Variants in STXBP6 observed in about 807,000 individuals in gnomAD.
STXBP6 encodes syntaxin binding protein 6, also known as syntaxin-binding protein 6.
In STXBP6, 21 loss-of-function variants were observed where a neutral mutation model predicts 26.9. That is an observed-to-expected ratio of 0.78 (90% confidence interval 0.55 to 1.12). The LOEUF (loss-of-function observed/expected upper bound fraction) is 1.12. STXBP6 is among the 50% of genes most tolerant of loss of function. The probability of loss-of-function intolerance (pLI) is 0.00; values close to 1 mark genes in which losing one functional copy is unlikely to be tolerated. For synonymous variants in STXBP6, 97 were observed against 92.6 expected, an observed-to-expected ratio of 1.05 and a Z score of -0.27; for missense variants, 232 against 257.9, an observed-to-expected ratio of 0.90 and a Z score of 0.69.
At chr14:25,026,362 C>A (rs764975633) in intron 1 of STXBP6, among the ~76,000 whole-genome samples, 1 of 152,172 alleles carries the variant, frequency 6.6e-6, no homozygotes, top group Non-Finnish European at 1.5e-5. Flanking sequence ...CATCTCTTAT[C>A]CAAATCCCCT....
intron 4 of STXBP6, among the ~76,000 whole-genome samples, chr14:24,849,253 G>T (rs924471497): frequency 6.6e-6 from 1 of 152,096 alleles, no homozygotes; most frequent in Non-Finnish European, 1.5e-5. Flanking sequence ...TCTAGGAAAA[G>T]ATATATTGGC....
intron 2 of STXBP6, among the ~76,000 whole-genome samples, chr14:24,942,783 A>G (rs1364575373): frequency 6.6e-6 from 1 of 152,228 alleles, no homozygotes; most frequent in Non-Finnish European, 1.5e-5. Flanking sequence ...CCTAGTCCCA[A>G]TCCCACAGAC....
chr14:25,012,671 T>G (rs1453184286), intron 1 of STXBP6, among the ~76,000 whole-genome samples: 1 of 152,152 alleles, frequency 6.6e-6, no homozygotes, highest in Non-Finnish European at 1.5e-5. Context: ...TCTAGAAAAC[T>G]TCACTATATA....
chr14:24,851,529 T>C (rs951708156), intron 4 of STXBP6, among the ~76,000 whole-genome samples: 2 of 152,054 alleles, frequency 1.3e-5, no homozygotes, highest in African/African-American at 2.4e-5. Flanking sequence ...ATTCTCAACA[T>C]CTGTTTGAAA....
intron 4 of STXBP6, among the ~76,000 whole-genome samples, chr14:24,834,547 T>C (rs2068553802): frequency 6.6e-6 from 1 of 152,194 alleles, no homozygotes; most frequent in Non-Finnish European, 1.5e-5. Flanking sequence ...TATGTGACTC[T>C]TAAACACCAT....
chr14:24,878,892 C>G, intron 2 of STXBP6: 1 of 380,254 alleles, frequency 2.6e-6, no homozygotes, highest in South Asian at 2.0e-5. Context: ...TGAAACAGAA[C>G]TGTGAACTAT....
Position 24,848,260 on chromosome 14 carries a change from T to C in STXBP6, c.451+7676A>G, listed in dbSNP as rs529913954. Among the ~76,000 whole-genome samples, 206 of 152,348 alleles carry C rather than the reference T, an allele frequency of 1.4e-3. 1 individual carries two copies. Among genetic ancestry groups the C allele is most frequent in the African/African-American group, 4.6e-3 (193 of 41,582 alleles). ...TCATGTCATCCCTTCAAGGCATATGTTGTATCCATGACACAGAAAAGCATA... is the reference window on the plus strand; with the variant it reads ...TCATGTCATCCCTTCAAGGCATATGCTGTATCCATGACACAGAAAAGCATA... On this transcript the variant is annotated intron_variant, in intron 4 of 5. Coordinates refer to ENST00000323944, the MANE Select transcript of STXBP6 (RefSeq NM_001394410.1).
At chr14:24,902,864 T>C (rs2071260755) in intron 2 of STXBP6, among the ~76,000 whole-genome samples, 1 of 152,208 alleles carries the variant, frequency 6.6e-6, no homozygotes, top group South Asian at 2.1e-4. Context: ...TGGCTCTTTG[T>C]ATAAATACCA....
intron 1 of STXBP6, among the ~76,000 whole-genome samples, chr14:25,015,191 T>C (rs1476309950): frequency 2.6e-5 from 4 of 152,176 alleles, no homozygotes; most frequent in African/African-American, 9.7e-5. Flanking sequence ...CCATTATCTT[T>C]TTCTCTACAA....
chr14:24,931,036 G>A (rs370043172), intron 2 of STXBP6, among the ~76,000 whole-genome samples: 3 of 141,364 alleles, frequency 2.1e-5, no homozygotes, highest in African/African-American at 2.7e-5. Flanking sequence ...GCGTGAACCC[G>A]GGAAGCGGAG....
chr14:25,025,718 G>A (rs542184805), intron 1 of STXBP6, among the ~76,000 whole-genome samples: 13 of 152,148 alleles, frequency 8.5e-5, no homozygotes, highest in Non-Finnish European at 1.8e-4. Context: ...ACTACACACT[G>A]TTAAGTATCA....
At chr14:24,936,960 T>TA (rs2072622301) in intron 2 of STXBP6, among the ~76,000 whole-genome samples, 1 of 152,228 alleles carries the variant, frequency 6.6e-6, no homozygotes, top group South Asian at 2.1e-4. Context: ...TATGCAGCCA[T>TA]AAAAAAGAAT....
chr14:24,970,668 T>A (rs767537877), intron 2 of STXBP6, among the ~76,000 whole-genome samples: 6 of 152,250 alleles, frequency 3.9e-5, no homozygotes, highest in Non-Finnish European at 8.8e-5. Flanking sequence ...TTATTATGAA[T>A]GAGACTGTTA....
chr14:25,007,476 A>ATGGG, intron 1 of STXBP6, among the ~76,000 whole-genome samples: 1 of 152,324 alleles, frequency 6.6e-6, no homozygotes, highest in South Asian at 2.1e-4. Context: ...ACAAGACCCC[A>ATGGG]GGTCCTGACA....
chr14:24,893,432 C>T (rs976623206), intron 2 of STXBP6, among the ~76,000 whole-genome samples: 1 of 152,200 alleles, frequency 6.6e-6, no homozygotes, highest in Non-Finnish European at 1.5e-5. Flanking sequence ...GAACAGAGAT[C>T]AGAGCTTTGG....
chr14:24,882,774 T>A (rs1488804037), intron 2 of STXBP6, among the ~76,000 whole-genome samples: 5 of 152,160 alleles, frequency 3.3e-5, no homozygotes, highest in African/African-American at 1.2e-4. Context: ...ACCTCTCCAC[T>A]ATAAGTTTAT....
chr14:25,030,604 T>G (rs2075435744), intron 1 of STXBP6, among the ~76,000 whole-genome samples: 1 of 152,098 alleles, frequency 6.6e-6, no homozygotes, highest in Non-Finnish European at 1.5e-5. Context: ...AACAGACAGA[T>G]TTTAAAGGCA....
At chr14:24,814,854 G>A (rs184720383) in intron 5 of STXBP6, among the ~76,000 whole-genome samples, 7 of 152,270 alleles carry the variant, frequency 4.6e-5, no homozygotes, top group Admixed American at 1.3e-4. Flanking sequence ...ACATGATGAG[G>A]AGGTGCCATC....
At chr14:24,907,536 TGAGA>T (rs574102503) in intron 2 of STXBP6, among the ~76,000 whole-genome samples, 1 of 152,186 alleles carries the variant, frequency 6.6e-6, no homozygotes, top group Non-Finnish European at 1.5e-5. Flanking sequence ...AGAATTGCCA[TGAGA>T]GAGTCTTTGA....
Sources: gnomAD v4.1 joint callset for allele counts (sites outside exome capture counted in the v4.1 genomes callset) on GRCh38, gnomAD v4.1.1 for gene constraint, MANE v1.5 for transcripts, NCBI Gene and HGNC (gene_info 2026-07-23, HGNC 2026-07-21) for gene names.